ATP10B: variants seen among roughly 807,000 people sequenced by gnomAD.
ATP10B encodes ATPase phospholipid transporting 10B (putative).
A neutral mutation model predicts 141.2 loss-of-function variants in ATP10B; 122 were observed. That is an observed-to-expected ratio of 0.86 (90% CI 0.75 to 1.00). The LOEUF is 1.00. Among genes scored for constraint, ATP10B ranks in the 50% least tolerant of loss-of-function variants. The pLI is 0.00. For synonymous variants in ATP10B, 685 were observed against 692.0 expected (o/e 0.99, Z 0.16); for missense variants, 1,876 against 1,825.3 (o/e 1.03, Z -0.51).
intron 2 of ATP10B, among the ~76,000 whole-genome samples, chr5:160,724,668 G>A (rs1393228144): frequency 1.3e-5 from 2 of 151,924 alleles, no homozygotes; most frequent in African/African-American, 4.8e-5. Flanking sequence ...AGCTATAATG[G>A]CCTCCCAGTT....
At chr5:160,617,703 A>C (rs1361098823) in intron 16 of ATP10B, among the ~76,000 whole-genome samples, 161 bp downstream of exon 16, 2 of 152,180 alleles carry the variant, frequency 1.3e-5, no homozygotes, top group South Asian at 2.1e-4. Flanking sequence ...GCTTCCACAA[A>C]ATTGTCAGTG....
upstream of ATP10B, chr5:160,852,271 T>C (rs1270394866): frequency 1.3e-5 from 2 of 152,196 alleles, no homozygotes; most frequent in African/African-American, 4.8e-5. Flanking sequence ...GGCAGTGTTC[T>C]TCGACTTGGC....
intron 2 of ATP10B, among the ~76,000 whole-genome samples, chr5:160,756,343 T>C (rs1007534265): frequency 1.3e-5 from 2 of 152,218 alleles, no homozygotes; most frequent in Non-Finnish European, 2.9e-5. Flanking sequence ...CGTTTGTCTA[T>C]AGGTCTTTGT....
chr5:160,744,857 G>T (rs538965366), intron 2 of ATP10B, among the ~76,000 whole-genome samples: 1 of 152,328 alleles, frequency 6.6e-6, no homozygotes, highest in Non-Finnish European at 1.5e-5. Flanking sequence ...TGTGAGACAC[G>T]AATTCTGCTG....
intron 7 of ATP10B, among the ~76,000 whole-genome samples, chr5:160,653,611 AT>A (rs1761136581): frequency 3.1e-5 from 1 of 32,600 alleles, no homozygotes; most frequent in Non-Finnish European, 8.7e-5. Context: ...ATATACATAT[AT>A]ACATATATAT....
chr5:160,668,226 C>CAAAAA (rs34528836), intron 7 of ATP10B, among the ~76,000 whole-genome samples: 4 of 112,748 alleles, frequency 3.5e-5, no homozygotes, highest in African/African-American at 1.3e-4. Flanking sequence ...CGAGACTGTC[C>CAAAAA]AAAAAAAAAA....
intron 1 of ATP10B, among the ~76,000 whole-genome samples, chr5:160,825,030 G>A (rs1352576283): frequency 7.2e-5 from 11 of 152,042 alleles, no homozygotes; most frequent in African/African-American, 2.7e-4. Flanking sequence ...ACCATTCTCT[G>A]GGACTTTAAT....
Position 160,728,846 on chromosome 5 carries a change from G to A in ATP10B, c.-330-11812C>T, listed in dbSNP as rs559830422. On this transcript the variant is annotated intron_variant, in intron 2 of 25. Transcript: ENST00000327245. ...GTTGTTTTCATCTCTTTTTGTTTGA[G>A]TAACAAGCCCCTGGAATGAGCCACT... Among the ~76,000 whole-genome samples, 3 of 152,214 alleles carry A rather than the reference G, an allele frequency of 2.0e-5. No homozygotes were observed. In the East Asian group the frequency reaches 5.8e-4, roughly 29 times the overall value.
At chr5:160,908,522 G>T in the ATP10B span, among the ~76,000 whole-genome samples, 1 of 152,156 alleles carries the variant, frequency 6.6e-6, no homozygotes, top group Non-Finnish European at 1.5e-5. Flanking sequence ...ATCTGCTATC[G>T]AAGGATTAGG....
the ATP10B span, among the ~76,000 whole-genome samples, chr5:160,894,642 CAGA>C: frequency 6.6e-6 from 1 of 152,114 alleles, no homozygotes; most frequent in African/African-American, 2.4e-5. Context: ...AGGATATTAC[CAGA>C]AGAACTTCCC....
chr5:160,916,860 C>T, the ATP10B span, among the ~76,000 whole-genome samples: 1 of 152,172 alleles, frequency 6.6e-6, no homozygotes, highest in South Asian at 2.1e-4. Flanking sequence ...AGCCTTATCA[C>T]ATTCCTTTGG....
At chr5:160,842,394 A>T (rs1775862697) in intron 1 of ATP10B, among the ~76,000 whole-genome samples, 2 of 152,130 alleles carry the variant, frequency 1.3e-5, no homozygotes, top group South Asian at 4.1e-4. Flanking sequence ...CTAAAAACCA[A>T]TTGTTTAAGT....
chr5:160,864,881 G>A, the ATP10B span, among the ~76,000 whole-genome samples: 1 of 151,850 alleles, frequency 6.6e-6, no homozygotes, highest in East Asian at 1.9e-4. Context: ...GGAGGTGAAA[G>A]GTTTCTGCAA....
chr5:160,643,561 A>G (rs748784073), intron 9 of ATP10B, among the ~76,000 whole-genome samples: 8 of 152,208 alleles, frequency 5.3e-5, no homozygotes, highest in Non-Finnish European at 1.5e-5. Flanking sequence ...TTTCATTGGA[A>G]AGCAGGATCA....
intron 2 of ATP10B, among the ~76,000 whole-genome samples, chr5:160,728,854 C>T (rs1338988983): frequency 1.3e-5 from 2 of 152,186 alleles, no homozygotes; most frequent in Admixed American, 6.5e-5. Context: ...GAGTAACAAG[C>T]CCCTGGAATG....
intron 2 of ATP10B, among the ~76,000 whole-genome samples, chr5:160,721,792 G>T (rs147438247): frequency 8.5e-4 from 130 of 152,154 alleles, no homozygotes; most frequent in African/African-American, 2.9e-3. Flanking sequence ...TTGGCTCTTA[G>T]ATTCTATGAG....
chr5:160,613,848 A>G (rs1388684130), intron 17 of ATP10B: 1 of 152,208 alleles, frequency 6.6e-6, no homozygotes, highest in Non-Finnish European at 1.5e-5. Flanking sequence ...CTGCTTTTCA[A>G]TTGAGATTCA....
At chr5:160,809,833 A>G (rs1200641313) in intron 1 of ATP10B, among the ~76,000 whole-genome samples, 1 of 152,182 alleles carries the variant, frequency 6.6e-6, no homozygotes, top group Non-Finnish European at 1.5e-5. Context: ...AGGGATCGGG[A>G]CTGAGAGATT....
At chr5:160,735,790 G>A (rs557691987) in intron 2 of ATP10B, among the ~76,000 whole-genome samples, 4 of 152,058 alleles carry the variant, frequency 2.6e-5, no homozygotes, top group Non-Finnish European at 5.9e-5. Flanking sequence ...ATAATATCAA[G>A]CATCTTGTCT....
Sources: allele counts gnomAD v4.1 joint callset (sites outside exome capture counted in the v4.1 genomes callset), GRCh38; gene constraint gnomAD v4.1.1; transcripts MANE v1.5; gene names NCBI Gene and HGNC (gene_info 2026-07-23, HGNC 2026-07-21).